CSGALNACT1: variants seen among roughly 807,000 people sequenced by gnomAD.
CSGALNACT1 encodes chondroitin sulfate N-acetylgalactosaminyltransferase 1.
CSGALNACT1 carries 52 observed loss-of-function variants against 51.0 expected under a neutral mutation model. The ratio of observed to expected loss-of-function variants is 1.02; its 90% CI spans 0.82 to 1.29. The LOEUF (loss-of-function observed/expected upper bound fraction) is 1.29, where lower values mean the gene tolerates loss of function less well. Ranked by LOEUF, CSGALNACT1 falls within the 50% of genes most tolerant of loss-of-function variation. The pLI, the probability that CSGALNACT1 is intolerant of heterozygous loss-of-function variation, is 0.00. For missense variants in CSGALNACT1, 935 were observed against 679.2 expected (o/e 1.38, Z -4.19); for synonymous variants, 341 against 254.4 (o/e 1.34, Z -3.24).
Position 19,755,721 on chromosome 8 carries a change from T to G in CSGALNACT1, c.-297+2129A>C, listed in dbSNP as rs376774559. ...AAGACACAAGCTCACTGCACTGTAA[T>G]GTAAACGGATGAATCCAAATGTCGG... On this transcript the variant is annotated intron_variant, in intron 1 of 1. Coordinates refer to the CSGALNACT1 transcript ENST00000517494. 1.8e-4 allele frequency among the ~76,000 whole-genome samples: 27 copies of G among 152,322 alleles called. No homozygotes were observed. In the East Asian group the frequency reaches 4.2e-3, roughly 24 times the overall value.
intron 1 of CSGALNACT1, among the ~76,000 whole-genome samples, chr8:19,709,365 T>A (rs1270840521): frequency 1.3e-5 from 2 of 152,234 alleles, no homozygotes; most frequent in African/African-American, 4.8e-5. Flanking sequence ...AAGGGGCTTA[T>A]ATTCTAGTGA....
At chr8:19,566,420 G>A (rs944883326) in intron 3 of CSGALNACT1, among the ~76,000 whole-genome samples, 14 of 152,024 alleles carry the variant, frequency 9.2e-5, no homozygotes, top group Non-Finnish European at 1.5e-4. Flanking sequence ...AAATTTTTTT[G>A]TTAAAACCAT....
chr8:19,711,979 C>T (rs1471210628), intron 1 of CSGALNACT1, among the ~76,000 whole-genome samples: 1 of 152,174 alleles, frequency 6.6e-6, no homozygotes, highest in Non-Finnish European at 1.5e-5. Flanking sequence ...GCACGCCCAG[C>T]ATCACAGAAA....
At chr8:19,439,785 G>C (rs374668462) in intron 6 of CSGALNACT1, 45 bp downstream of exon 5, 6 of 1,441,004 alleles carry the variant, frequency 4.2e-6, no homozygotes, top group Non-Finnish European at 5.9e-6. Flanking sequence ...GTGCTTCTGA[G>C]CTCAGTTACC....
intron 1 of CSGALNACT1, among the ~76,000 whole-genome samples, chr8:19,611,084 C>T (rs1255783334): frequency 1.3e-5 from 2 of 152,216 alleles, no homozygotes; most frequent in Non-Finnish European, 1.5e-5. Flanking sequence ...TTTCCCGTTT[C>T]AGAAAAACAA....
intron 3 of CSGALNACT1, among the ~76,000 whole-genome samples, chr8:19,523,959 TG>T (rs1276511884): frequency 6.6e-6 from 1 of 152,056 alleles, no homozygotes; most frequent in East Asian, 1.9e-4. Context: ...TAGGTAGAGA[TG>T]GAAAAACTTG....
At chr8:19,662,142 G>T (rs968600880) in intron 1 of CSGALNACT1, among the ~76,000 whole-genome samples, 1 of 141,144 alleles carries the variant, frequency 7.1e-6, no homozygotes, top group Admixed American at 7.8e-5. Context: ...GAGGCTAGGT[G>T]CGGTGGGGCT....
chr8:19,493,173 C>G (rs1375932108), intron 4 of CSGALNACT1, among the ~76,000 whole-genome samples: 6 of 152,172 alleles, frequency 3.9e-5, no homozygotes, highest in Admixed American at 3.9e-4. Flanking sequence ...ATTACTCTCT[C>G]CTGAACACAT....
intron 1 of CSGALNACT1, among the ~76,000 whole-genome samples, chr8:19,710,004 T>C (rs1030416146): frequency 4.6e-5 from 7 of 152,170 alleles, no homozygotes; most frequent in African/African-American, 1.7e-4. Flanking sequence ...TTACTTTCAT[T>C]TCACAGCTTG....
chr8:19,726,742 A>C (rs1415083244), intron 1 of CSGALNACT1, among the ~76,000 whole-genome samples: 1 of 152,250 alleles, frequency 6.6e-6, no homozygotes, highest in Non-Finnish European at 1.5e-5. Context: ...CAATGGAAGG[A>C]AAACATCAAA....
At chr8:19,686,262 G>T (rs1031868225), upstream of CSGALNACT1, among the ~76,000 whole-genome samples, 2 of 152,124 alleles carry the variant, frequency 1.3e-5, no homozygotes, top group Admixed American at 1.3e-4. Flanking sequence ...TGTCAGCCAG[G>T]ACTCTTGATA....
chr8:19,456,413 C>G (rs916933913), intron 5 of CSGALNACT1, among the ~76,000 whole-genome samples: 1 of 152,160 alleles, frequency 6.6e-6, no homozygotes, highest in South Asian at 2.1e-4. Flanking sequence ...AATGAACTTG[C>G]GATAACCTCG....
upstream of CSGALNACT1, chr8:19,602,730 A>G (rs922226104): frequency 1.1e-4 from 17 of 152,218 alleles, no homozygotes; most frequent in African/African-American, 4.1e-4. Context: ...AATGGAGGAA[A>G]CCGATGTGTC....
intron 3 of CSGALNACT1, among the ~76,000 whole-genome samples, chr8:19,588,178 A>G (rs554605697): frequency 6.6e-6 from 1 of 152,174 alleles, no homozygotes; most frequent in Non-Finnish European, 1.5e-5. Context: ...CTAGGTGACA[A>G]GAATGAAACC....
chr8:19,719,435 G>A (rs746411109), intron 1 of CSGALNACT1, among the ~76,000 whole-genome samples: 1 of 152,126 alleles, frequency 6.6e-6, no homozygotes, highest in Non-Finnish European at 1.5e-5. Context: ...ATCTGTCTCT[G>A]TTATGACCAA....
chr8:19,454,409 G>T (rs565283971), intron 5 of CSGALNACT1, among the ~76,000 whole-genome samples: 3 of 152,180 alleles, frequency 2.0e-5, no homozygotes, highest in Non-Finnish European at 2.9e-5. Flanking sequence ...CGTGGCTGAC[G>T]CCTGTAATCC....
rs145589375 is a variant in CSGALNACT1 at position 19,463,810 on chromosome 8, A to G, written c.635-5168T>C. 3.5e-3 allele frequency among the ~76,000 whole-genome samples: 526 copies of G among 152,264 alleles called. 3 individuals are homozygous for G. Among genetic ancestry groups the G allele is most frequent in the African/African-American group, 0.012 (505 of 41,548 alleles). On this transcript the variant is annotated intron_variant, in intron 4 of 9. Coordinates refer to ENST00000454498, the Ensembl canonical transcript of CSGALNACT1. ...AATTACTCCTTGTGCAAGTATCCCAATGCCGGTCTTTTCCTACTCAATGGG... is the reference window on the plus strand; with the variant it reads ...AATTACTCCTTGTGCAAGTATCCCAGTGCCGGTCTTTTCCTACTCAATGGG...
intron 3 of CSGALNACT1, among the ~76,000 whole-genome samples, chr8:19,575,545 A>G (rs1413151253): frequency 6.6e-6 from 1 of 152,262 alleles, no homozygotes; most frequent in African/African-American, 2.4e-5. Context: ...CTGCTCCTCC[A>G]TCAAACAAAC....
intron 3 of CSGALNACT1, among the ~76,000 whole-genome samples, chr8:19,508,896 C>T (rs2077896307): frequency 6.6e-6 from 1 of 151,932 alleles, no homozygotes; most frequent in Non-Finnish European, 1.5e-5. Context: ...TTGTTCTGTT[C>T]TATAATTTTC....
Sources: gnomAD v4.1 joint callset for allele counts (sites outside exome capture counted in the v4.1 genomes callset) on GRCh38, gnomAD v4.1.1 for gene constraint, MANE v1.5 for transcripts, NCBI Gene and HGNC (gene_info 2026-07-23, HGNC 2026-07-21) for gene names.